Variants in CSMD1 observed in about 807,000 individuals in gnomAD.
The protein encoded by CSMD1 is CUB and Sushi multiple domains 1.
Under a neutral mutation model 417.5 loss-of-function variants are expected in CSMD1, and 213 were observed. The observed-to-expected ratio is 0.51, with a 90% CI of 0.46 to 0.57. CSMD1 has a LOEUF of 0.57. CSMD1 is among the 20% of genes least tolerant of loss of function. The probability of loss-of-function intolerance (pLI) is 0.00; values close to 1 mark genes in which losing one functional copy is unlikely to be tolerated. For synonymous variants in CSMD1, 2,862 were observed against 1,736.8 expected (o/e 1.65, Z -16.11); for missense variants, 6,923 against 4,529.7 (o/e 1.53, Z -15.17).
intron 13 of CSMD1, 148 bp from the exon 14 acceptor site, chr8:3,408,373 C>G: frequency 1.6e-6 from 1 of 634,724 alleles, no homozygotes; most frequent in Non-Finnish European, 2.7e-6. Flanking sequence ...AATTCTGGAC[C>G]ATAATGTTTT....
intron 1 of CSMD1, among the ~76,000 whole-genome samples, chr8:4,938,377 T>C (rs1225326596): frequency 6.6e-6 from 1 of 152,228 alleles, no homozygotes; most frequent in East Asian, 1.9e-4. Context: ...ACAGCTGTCC[T>C]ATAGTTATTA....
chr8:3,077,656 T>C (rs11136568), intron 49 of CSMD1, among the ~76,000 whole-genome samples: 88,445 of 152,198 alleles, frequency 0.58, 25,938 homozygotes, highest in Non-Finnish European at 0.59. Flanking sequence ...CTGAGGCTTA[T>C]GCCTGCATGC....
intron 5 of CSMD1, among the ~76,000 whole-genome samples, chr8:3,994,917 G>A (rs994504280): frequency 1.3e-5 from 2 of 152,072 alleles, no homozygotes; most frequent in Non-Finnish European, 2.9e-5. Context: ...ATTATTGGAA[G>A]ATCATATGTG....
At chr8:4,475,633 T>G (rs1019778762) in intron 2 of CSMD1, among the ~76,000 whole-genome samples, 1 of 152,080 alleles carries the variant, frequency 6.6e-6, no homozygotes, top group Non-Finnish European at 1.5e-5. Flanking sequence ...TTTCTTTTCT[T>G]CGAGACGGAG....
chr8:4,612,145 C>G (rs1211386831), intron 2 of CSMD1, among the ~76,000 whole-genome samples: 1 of 152,120 alleles, frequency 6.6e-6, no homozygotes, highest in Non-Finnish European at 1.5e-5. Flanking sequence ...GAGCAGAGAC[C>G]TGATCGGAGA....
At chr8:2,960,953 T>C (rs1803412639) in intron 62 of CSMD1, among the ~76,000 whole-genome samples, 188 bp downstream of exon 62, 1 of 146,018 alleles carries the variant, frequency 6.8e-6, no homozygotes, top group South Asian at 2.1e-4. Context: ...TATATATATA[T>C]ATATATATAT....
Position 4,048,229 on chromosome 8 carries a change from T to A in CSMD1, c.416-16130A>T, listed in dbSNP as rs145398428. Among the ~76,000 whole-genome samples, 96 of 152,342 alleles carry A rather than the reference T, an allele frequency of 6.3e-4. No individual in the cohort carries two copies. In the Middle Eastern group the frequency reaches 0.014, roughly 22 times the overall value. ...TTGAATAACATACCGTTCTTTGTTA[T>A]TAGTCACTGAGATTAGAATGAAAAG... On this transcript the variant is annotated intron_variant, in intron 3 of 69. Transcript: ENST00000635120.
At chr8:4,026,543 G>A (rs1400475133) in intron 4 of CSMD1, among the ~76,000 whole-genome samples, 2 of 152,144 alleles carry the variant, frequency 1.3e-5, no homozygotes, top group East Asian at 1.9e-4. Context: ...AACAATGAAG[G>A]AAAATACTCT....
chr8:4,909,752 T>C (rs1170438138), intron 1 of CSMD1, among the ~76,000 whole-genome samples: 1 of 152,150 alleles, frequency 6.6e-6, no homozygotes, highest in Non-Finnish European at 1.5e-5. Flanking sequence ...TGTATATAGC[T>C]CCTATAGTCT....
At chr8:4,911,233 A>C (rs1292177955) in intron 1 of CSMD1, among the ~76,000 whole-genome samples, 1 of 152,242 alleles carries the variant, frequency 6.6e-6, no homozygotes, top group Non-Finnish European at 1.5e-5. Flanking sequence ...TGTCTGCTCC[A>C]TCAGTTTCAA....
chr8:3,971,266 A>G (rs1010774872), intron 5 of CSMD1, among the ~76,000 whole-genome samples: 14 of 152,152 alleles, frequency 9.2e-5, no homozygotes, highest in African/African-American at 2.9e-4. Flanking sequence ...TAATCTCTGC[A>G]CTGTGATTTC....
chr8:3,337,619 G>A (rs901705949), intron 23 of CSMD1, among the ~76,000 whole-genome samples: 10 of 152,068 alleles, frequency 6.6e-5, no homozygotes, highest in African/African-American at 1.7e-4. Flanking sequence ...CAAAACCAGC[G>A]CCTGGACAGA....
intron 2 of CSMD1, among the ~76,000 whole-genome samples, chr8:4,548,844 G>T (rs1405812676): frequency 6.6e-6 from 1 of 152,038 alleles, no homozygotes; most frequent in African/African-American, 2.4e-5. Context: ...GTCTTGGGGG[G>T]ACATGTGATG....
chr8:4,520,813 C>A (rs116679580), intron 2 of CSMD1, among the ~76,000 whole-genome samples: 4 of 151,938 alleles, frequency 2.6e-5, no homozygotes, highest in African/African-American at 7.3e-5. Context: ...TATTGGAGTG[C>A]CCTGTAAGTA....
At chr8:4,700,659 A>G (rs1807467837) in intron 1 of CSMD1, among the ~76,000 whole-genome samples, 1 of 152,220 alleles carries the variant, frequency 6.6e-6, no homozygotes, top group Non-Finnish European at 1.5e-5. Context: ...GTAACTGGAC[A>G]CATAAAGAGA....
At position 3,151,443 on chromosome 8, in the gene CSMD1, G is replaced by C. The variant is rs775292813; in HGVS notation, c.5985C>G (p.Pro1995=). The change falls in exon 40 of 70, where the codon CCC becomes CCG. Residue 1995 remains proline, a synonymous_variant. Transcript: ENST00000635120. ...ILSPGFPGSY[P]NNLDCTWRIS... ...TCCTCCAGGTGCAGTCTAAGTTGTT[G>C]GGGTAAGAACCTGGGAAGCCGGGGC... The C allele has an allele frequency of 5.0e-6, 8 of 1,613,746 alleles. No individual in the cohort carries two copies. The South Asian group carries it at 8.8e-5, about 18-fold the overall frequency.
chr8:4,726,264 CG>C (rs1230491597), intron 1 of CSMD1, among the ~76,000 whole-genome samples: 1 of 151,832 alleles, frequency 6.6e-6, no homozygotes. Flanking sequence ...AGCCTTGCCC[CG>C]CTTCTTTGAT....
chr8:4,530,141 C>A (rs999781586), intron 2 of CSMD1, among the ~76,000 whole-genome samples: 4 of 151,690 alleles, frequency 2.6e-5, no homozygotes, highest in Non-Finnish European at 5.9e-5. Flanking sequence ...TCTCGATCTC[C>A]TGACCTTGTG....
intron 10 of CSMD1, among the ~76,000 whole-genome samples, chr8:3,529,152 A>T (rs763064554): frequency 3.8e-4 from 58 of 152,330 alleles, no homozygotes; most frequent in Non-Finnish European, 7.5e-4. Flanking sequence ...TGTAGTAAAG[A>T]CAATACATAC....
Sources: allele counts gnomAD v4.1 joint callset (sites outside exome capture counted in the v4.1 genomes callset), GRCh38; gene constraint gnomAD v4.1.1; transcripts MANE v1.5; gene names NCBI Gene and HGNC (gene_info 2026-07-23, HGNC 2026-07-21).